Variants in SKI observed in about 807,000 individuals in gnomAD.
SKI encodes ski oncogene.
A neutral mutation model predicts 59.3 loss-of-function variants in SKI; 23 were observed. The ratio of observed to expected loss-of-function variants is 0.39; its 90% CI spans 0.28 to 0.55. The LOEUF (loss-of-function observed/expected upper bound fraction) is 0.55, where lower values mean the gene tolerates loss of function less well. Among genes scored for constraint, SKI ranks in the 20% least tolerant of loss-of-function variants. The pLI, the probability that SKI is intolerant of heterozygous loss-of-function variation, is 0.67. For missense variants in SKI, 1,017 were observed against 1,038.9 expected, an observed-to-expected ratio of 0.98 and a Z score of 0.29; for synonymous variants, 673 against 488.6, an observed-to-expected ratio of 1.38 and a Z score of -4.98.
chr1:2,304,306 G>C lies in SKI; in HGVS notation c.1488G>C (p.Leu496Phe). Reference protein sequence around the residue: ...VESREEFTSSLSSLSSPSFTS... With the variant: ...VESREEFTSSFSSLSSPSFTS... Reference sequence around the variant, plus strand: ...CTTCCTCCTCAGTCACCTCCTCCTTGTCCTCGCTCTCTTCCCCGTCCTTTA... The same window carrying C: ...CTTCCTCCTCAGTCACCTCCTCCTTCTCCTCGCTCTCTTCCCCGTCCTTTA... The change falls in exon 5 of 7, where the codon TTG becomes TTC. Residue 496 changes from leucine to phenylalanine, a missense_variant. Physicochemically the swap from Leu to Phe is conservative, Grantham distance 22. Coordinates refer to ENST00000378536, the MANE Select transcript of SKI (RefSeq NM_003036.4). 5.2e-6 allele frequency: 8 copies of C among 1,551,648 alleles called. No individual in the cohort carries two copies. The highest frequency in any genetic ancestry group is 7.0e-6 in the Non-Finnish European group (8 of 1,146,912).
At position 2,306,647 on chromosome 1, in the gene SKI, G is replaced by A. The variant is rs1489798677; in HGVS notation, c.2069G>A (p.Arg690Gln). The A allele has an allele frequency of 1.0e-5, 16 of 1,544,828 alleles. No individual in the cohort carries two copies. In the African/African-American group the frequency reaches 2.2e-4, roughly 21 times the overall value. ...DREQLRADLL[R>Q]EREAREHLEK... ...GAGCAGCTGCGGGCCGACCTGCTGC[G>A]GGAGCGCGAGGCCCGGGAGCACCTG... The change falls in exon 7 of 7, where the codon CGG (arginine) becomes CAG (glutamine). Residue 690 changes from arginine (R) to glutamine (Q), a missense_variant. Physicochemically the swap from Arg to Gln is conservative, Grantham distance 43 (BLOSUM62 1). Transcript: ENST00000378536.
At chr1:2,305,655 T>C (rs960752283) in intron 5 of SKI, among the ~76,000 whole-genome samples, 1 of 152,040 alleles carries the variant, frequency 6.6e-6, no homozygotes, top group East Asian at 1.9e-4. Flanking sequence ...GGCCCTCAGA[T>C]GGTGCGATGT....
At chr1:2,240,504 G>T (rs1415455700) in intron 1 of SKI, 1 of 985,330 alleles carries the variant, frequency 1.0e-6, no homozygotes, top group African/African-American at 1.7e-5. Context: ...GGTGGTGGCG[G>T]GTGGTGGCTG....
chr1:2,249,572 GA>G (rs1267030770), intron 1 of SKI, among the ~76,000 whole-genome samples: 1 of 152,228 alleles, frequency 6.6e-6, no homozygotes, highest in African/African-American at 2.4e-5. Context: ...GATGTTTCTG[GA>G]AATGAGAGCA....
intron 1 of SKI, among the ~76,000 whole-genome samples, chr1:2,237,922 C>T (rs774989400): frequency 6.1e-4 from 93 of 152,336 alleles, no homozygotes; most frequent in Non-Finnish European, 1.1e-3. Flanking sequence ...CTATCCAGGA[C>T]GGGTTACTTA....
intron 1 of SKI, among the ~76,000 whole-genome samples, chr1:2,256,759 G>A (rs944564133): frequency 2.0e-5 from 3 of 152,242 alleles, no homozygotes; most frequent in Admixed American, 2.0e-4. Flanking sequence ...GCTCTGACAT[G>A]TGACCTGACT....
At chr1:2,272,591 G>A (rs1639649083) in intron 1 of SKI, among the ~76,000 whole-genome samples, 1 of 152,260 alleles carries the variant, frequency 6.6e-6, no homozygotes, top group South Asian at 2.1e-4. Flanking sequence ...AATAATAATG[G>A]AGGGTGAACT....
Position 2,306,017 on chromosome 1 carries a change from C to T in SKI, c.1768-3C>T. 2 of 1,571,322 alleles carry T rather than the reference C, an allele frequency of 1.3e-6. No individual in the cohort carries two copies. The highest frequency in any genetic ancestry group is 1.7e-6 in the Non-Finnish European group (2 of 1,159,428). On this transcript the variant is annotated splice_polypyrimidine_tract_variant and splice_region_variant and intron_variant, in intron 5 of 6. Transcript: ENST00000378536. Reference sequence around the variant, plus strand: ...GTGACCCCGAGCCGCCTCCGGCCCCCAGGAGCTGGAGTTCCTACGCGTGGC... The same window carrying T: ...GTGACCCCGAGCCGCCTCCGGCCCCTAGGAGCTGGAGTTCCTACGCGTGGC...
At chr1:2,256,315 T>TG (rs1318410391) in intron 1 of SKI, among the ~76,000 whole-genome samples, 2 of 152,070 alleles carry the variant, frequency 1.3e-5, no homozygotes, top group Non-Finnish European at 2.9e-5. Flanking sequence ...CTTTCTGTCT[T>TG]GGAGTTGCGT....
intron 1 of SKI, among the ~76,000 whole-genome samples, chr1:2,289,178 G>A (rs902821275): frequency 2.6e-5 from 4 of 152,198 alleles, no homozygotes; most frequent in African/African-American, 4.8e-5. Context: ...GAAGGCAGAG[G>A]CTAGAGATGC....
At chr1:2,248,212 G>C (rs746981650) in intron 1 of SKI, 2 of 152,324 alleles carry the variant, frequency 1.3e-5, no homozygotes, top group Admixed American at 1.3e-4. Context: ...CCTAGGTTCT[G>C]CTTTGGCCTG....
chr1:2,246,087 C>T (rs946123159), intron 1 of SKI, among the ~76,000 whole-genome samples: 1 of 152,184 alleles, frequency 6.6e-6, no homozygotes, highest in African/African-American at 2.4e-5. Flanking sequence ...TGAGCCACCG[C>T]ATTCAGCCCG....
chr1:2,234,927 G>T (rs751466580), intron 1 of SKI, among the ~76,000 whole-genome samples: 23 of 152,180 alleles, frequency 1.5e-4, no homozygotes, highest in South Asian at 2.1e-4. Flanking sequence ...ATGGAGGGGG[G>T]GCTGCCTGGG....
In SKI at chr1:2,229,482, G is replaced by C. The variant is rs776935614; in HGVS notation, c.716G>C (p.Ser239Thr). Reference protein sequence around the residue: ...KGLLVPELYSSPSAACIQCLD... With the variant: ...KGLLVPELYSTPSAACIQCLD... Reference sequence around the variant, plus strand: ...CTGCTGGTGCCCGAGCTCTACAGCAGCCCGAGCGCCGCCTGCATCCAGTGC... The same window carrying C: ...CTGCTGGTGCCCGAGCTCTACAGCACCCCGAGCGCCGCCTGCATCCAGTGC... Residue 239 changes from serine to threonine, a missense_variant, in exon 1 of 7, where the codon AGC becomes ACC. Transcript: ENST00000378536. The surrounding 1 kb of genome is among the most constrained non-coding windows in gnomAD (Gnocchi z 6.3). 6.2e-7 allele frequency: 1 copy of C among 1,611,538 alleles called. No homozygotes were observed. Among genetic ancestry groups the C allele is most frequent in the East Asian group, 2.2e-5 (1 of 44,862 alleles).
chr1:2,290,801 C>T (rs924419371), intron 1 of SKI, among the ~76,000 whole-genome samples: 20 of 152,228 alleles, frequency 1.3e-4, no homozygotes, highest in African/African-American at 1.4e-4. Flanking sequence ...GACGCATTGT[C>T]ACCCCCTCCT....
chr1:2,234,854 G>T (rs1219696972), intron 1 of SKI, among the ~76,000 whole-genome samples: 1 of 152,164 alleles, frequency 6.6e-6, no homozygotes, highest in Non-Finnish European at 1.5e-5. Flanking sequence ...GGAAAAGAAG[G>T]CCCCTGTCCT....
In SKI at chr1:2,267,401, G is replaced by A. The variant is rs1378430232; in HGVS notation, c.970-35577G>A. ...GAGCAAGGAAGGGGTGTGTTGACAG[G>A]GCCGTTCGGGCCGGAGCAGGTGCGA... On this transcript the variant is annotated intron_variant, in intron 1 of 6. Transcript: ENST00000378536. This position sits in a 1 kb window ranked among gnomAD's most constrained non-coding sequence, Gnocchi z 4.1. 6.6e-6 allele frequency among the ~76,000 whole-genome samples: 1 copy of A among 152,180 alleles called. No homozygotes were observed. Among genetic ancestry groups the A allele is most frequent in the Non-Finnish European group, 1.5e-5 (1 of 68,032 alleles).
intron 1 of SKI, among the ~76,000 whole-genome samples, chr1:2,258,456 TGTCA>T (rs148494785): frequency 0.014 from 2,189 of 151,542 alleles, 45 homozygotes; most frequent in African/African-American, 0.051. Context: ...AGTTGAAACT[TGTCA>T]GTCAGGAAAT....
intron 1 of SKI, among the ~76,000 whole-genome samples, chr1:2,233,542 G>A (rs888176951): frequency 2.0e-5 from 3 of 152,130 alleles, no homozygotes; most frequent in Non-Finnish European, 2.9e-5. Context: ...GTTGAGGGTC[G>A]CTTGGTTGGG....
Sources: gnomAD v4.1 joint callset for allele counts (sites outside exome capture counted in the v4.1 genomes callset) on GRCh38, gnomAD v4.1.1 for gene constraint, Gnocchi (gnomAD v3.1) non-coding constraint, MANE v1.5 for transcripts, NCBI Gene and HGNC (gene_info 2026-07-23, HGNC 2026-07-21) for gene names.